The following TENM2 variants were observed in gnomAD, a reference collection of about 807,000 sequenced individuals.
TENM2 encodes teneurin transmembrane protein 2.
In TENM2, 52 loss-of-function variants were observed where a neutral mutation model predicts 245.2. That is an observed-to-expected ratio of 0.21 (90% CI 0.17 to 0.27). TENM2 has a LOEUF of 0.27. Ranked by LOEUF, TENM2 falls within the 10% of genes least tolerant of loss-of-function variation. The pLI is 1.00. For missense variants in TENM2, 3,046 were observed against 3,666.8 expected (o/e 0.83, Z 4.37); for synonymous variants, 1,363 against 1,438.9 (o/e 0.95, Z 1.19).
chr5:168,084,130 G>A lies in TENM2; in HGVS notation c.1516-6444G>A, dbSNP rs113319076. ...TTATGACTGCATAGTATTCCGTGGT[G>A]TATATGTACCACATTTTCTTTTTCC... On this transcript the variant is annotated intron_variant, in intron 7 of 28. Transcript: ENST00000518659. Among the ~76,000 whole-genome samples the A allele has an allele frequency of 7.1e-3, 1,080 of 152,286 alleles. 21 individuals carry two copies. The highest frequency in any genetic ancestry group is 0.021 in the African/African-American group (890 of 41,570).
chr5:167,076,941 A>G, the TENM2 span, among the ~76,000 whole-genome samples: 2 of 152,032 alleles, frequency 1.3e-5, no homozygotes, highest in African/African-American at 4.8e-5. Flanking sequence ...CCCAGGTTCA[A>G]GTGATTCTCC....
chr5:167,246,404 T>C, the TENM2 span, among the ~76,000 whole-genome samples: 1 of 152,112 alleles, frequency 6.6e-6, no homozygotes, highest in Non-Finnish European at 1.5e-5. Context: ...GCATACACTG[T>C]TTTTATAAAT....
intron 13 of TENM2, chr5:168,186,963 G>T (rs1760504448): frequency 6.6e-6 from 1 of 152,204 alleles, no homozygotes; most frequent in East Asian, 1.9e-4. Context: ...CCAATTTAAA[G>T]TTCACAGTGT....
Position 168,216,758 on chromosome 5 carries a change from T to G in TENM2, c.4079-10T>G, listed in dbSNP as rs902659877. The G allele has an allele frequency of 1.9e-6, 3 of 1,613,782 alleles. No homozygotes were observed. Among genetic ancestry groups the G allele is most frequent in the Non-Finnish European group, 2.5e-6 (3 of 1,179,740 alleles). ...CCAAGAGATAAATCCACACCGCTTG[T>G]CTTGCTCAGGTATTGCAGTAGACAA... On this transcript the variant is annotated splice_polypyrimidine_tract_variant and intron_variant, in intron 21 of 28. Transcript: ENST00000518659.
At chr5:167,064,247 C>G in the TENM2 span, among the ~76,000 whole-genome samples, 4 of 152,230 alleles carry the variant, frequency 2.6e-5, no homozygotes, top group South Asian at 8.3e-4. Flanking sequence ...TCGCCGTTTT[C>G]TAGCCTACAG....
At chr5:167,461,639 A>G (rs539436315) in intron 2 of TENM2, among the ~76,000 whole-genome samples, 116 of 152,350 alleles carry the variant, frequency 7.6e-4, no homozygotes, top group African/African-American at 2.7e-3. Context: ...AGCTTTATAA[A>G]TAAACAGTGC....
the TENM2 span, among the ~76,000 whole-genome samples, chr5:167,169,197 G>A: frequency 6.6e-6 from 1 of 152,174 alleles, no homozygotes; most frequent in African/African-American, 2.4e-5. Flanking sequence ...GAGGAGTGGG[G>A]TTTAATAAAT....
chr5:167,278,451 C>A, the TENM2 span, among the ~76,000 whole-genome samples: 1 of 151,912 alleles, frequency 6.6e-6, no homozygotes, highest in Non-Finnish European at 1.5e-5. Context: ...CTTAAGTTTG[C>A]CCTTTTATTT....
intron 2 of TENM2, among the ~76,000 whole-genome samples, chr5:167,682,136 G>GCCTGCGTT (rs1756768563): frequency 8.6e-6 from 1 of 115,890 alleles, no homozygotes; most frequent in Admixed American, 1.1e-4. Context: ...CTGCCTGCCT[G>GCCTGCGTT]CCTGCCTGCG....
intron 2 of TENM2, among the ~76,000 whole-genome samples, chr5:167,594,836 C>G (rs1056882401): frequency 4.6e-5 from 7 of 152,148 alleles, no homozygotes; most frequent in African/African-American, 1.7e-4. Context: ...TCACTTATGC[C>G]ACACTATTTT....
Position 167,350,819 on chromosome 5 carries a change from GAT to G in TENM2, c.227-24370_227-24369del, listed in dbSNP as rs1384641142. 5.9e-4 allele frequency among the ~76,000 whole-genome samples: 57 copies of G among 96,480 alleles called. 8 individuals are homozygous for G. Among genetic ancestry groups the G allele is most frequent in the Non-Finnish European group, 9.4e-4 (44 of 46,704 alleles). The allele number at this position is 96,480 out of a possible 152,430, so 63.3% of individuals were successfully genotyped here. On this transcript the variant is annotated intron_variant, in intron 1 of 28. Coordinates refer to ENST00000518659, the Ensembl canonical transcript of TENM2. Reference sequence around the variant, plus strand: ...TATATATATGGGATATATACATATGGATATATATATGGGATATATACATATGG... The same window carrying G: ...TATATATATGGGATATATACATATGGATATATATGGGATATATACATATGG...
chr5:167,587,741 G>C (rs1775601324), intron 2 of TENM2, among the ~76,000 whole-genome samples: 1 of 152,148 alleles, frequency 6.6e-6, no homozygotes, highest in Admixed American at 6.5e-5. Flanking sequence ...AGCTAATACA[G>C]CTTTTTTCGG....
rs1760174330 is a variant in TENM2, at chr5:167,728,360, T to C, written c.503-147626T>C. Among the ~76,000 whole-genome samples, 4 of 151,978 alleles carry C rather than the reference T, an allele frequency of 2.6e-5. No homozygotes were observed. The Admixed American group carries it at 2.6e-4, about 10-fold the overall frequency. On this transcript the variant is annotated intron_variant, in intron 2 of 28. Transcript: ENST00000518659. ...GCTCACGCCTGTAATCCCAGCACTT[T>C]GGGCGTCTGAGGTGAGAGGATCCCT...
the TENM2 span, among the ~76,000 whole-genome samples, chr5:167,265,668 T>C: frequency 6.6e-6 from 1 of 152,122 alleles, no homozygotes; most frequent in South Asian, 2.1e-4. Flanking sequence ...TCTCCACCCT[T>C]CGTCTCTGTA....
intron 2 of TENM2, among the ~76,000 whole-genome samples, chr5:167,813,999 T>A (rs1766845128): frequency 6.6e-6 from 1 of 152,132 alleles, no homozygotes; most frequent in African/African-American, 2.4e-5. Context: ...CAGCTTCTCA[T>A]CGTCCACCTT....
At chr5:167,911,935 A>G (rs1346470963) in intron 3 of TENM2, among the ~76,000 whole-genome samples, 1 of 152,218 alleles carries the variant, frequency 6.6e-6, no homozygotes, top group Non-Finnish European at 1.5e-5. Context: ...TGTAATGGAT[A>G]TGTCCATAAT....
At chr5:168,022,513 C>A (rs572618706) in intron 5 of TENM2, among the ~76,000 whole-genome samples, 1 of 152,342 alleles carries the variant, frequency 6.6e-6, no homozygotes, top group African/African-American at 2.4e-5. Flanking sequence ...GGCTTTTTCT[C>A]TGGGGCCCAT....
intron 2 of TENM2, among the ~76,000 whole-genome samples, chr5:167,862,241 A>G (rs972801894): frequency 1.4e-3 from 206 of 148,550 alleles, no homozygotes; most frequent in Middle Eastern, 3.5e-3. Context: ...AATTTAGAGT[A>G]TGTGTGTGTG....
chr5:167,603,706 C>T (rs1210065144), intron 2 of TENM2, among the ~76,000 whole-genome samples: 3 of 152,026 alleles, frequency 2.0e-5, no homozygotes, highest in African/African-American at 7.2e-5. Context: ...TAAGAGTAGT[C>T]TTTAAGATCA....
Sources: allele counts gnomAD v4.1 joint callset (sites outside exome capture counted in the v4.1 genomes callset), GRCh38; gene constraint gnomAD v4.1.1; transcripts MANE v1.5; gene names NCBI Gene and HGNC (gene_info 2026-07-23, HGNC 2026-07-21).